Variants in RTN4 observed in about 807,000 individuals in gnomAD.
RTN4 encodes the protein reticulon-4.
RTN4 carries 32 observed loss-of-function variants against 90.4 expected under a neutral mutation model. That is an observed-to-expected ratio of 0.35 (90% confidence interval 0.27 to 0.48). RTN4 has a LOEUF of 0.48. Among genes scored for constraint, RTN4 ranks in the 20% least tolerant of loss-of-function variants. The pLI is 0.99. For synonymous variants in RTN4, 629 were observed against 552.5 expected (o/e 1.14, Z -1.94); for missense variants, 1,706 against 1,430.2 (o/e 1.19, Z -3.11).
intron 4 of RTN4, among the ~76,000 whole-genome samples, chr2:54,986,037 G>A (rs987927477): frequency 1.3e-5 from 2 of 152,074 alleles, no homozygotes; most frequent in African/African-American, 4.8e-5. Flanking sequence ...CAAAGAGCTG[G>A]GTCTTGAACC....
intron 3 of RTN4, among the ~76,000 whole-genome samples, chr2:55,010,736 T>G (rs975443565): frequency 1.3e-5 from 2 of 152,176 alleles, no homozygotes. Flanking sequence ...TATGAAGAGA[T>G]AAACAGAAAA....
At chr2:55,093,725 G>A (rs1668983134) in intron 1 of RTN4, among the ~76,000 whole-genome samples, 1 of 152,098 alleles carries the variant, frequency 6.6e-6, no homozygotes, top group Non-Finnish European at 1.5e-5. Flanking sequence ...AAGGGTAAAT[G>A]TCTCAATTGT....
At chr2:54,985,222 T>A in intron 4 of RTN4, among the ~76,000 whole-genome samples, 1 of 132,436 alleles carries the variant, frequency 7.6e-6, no homozygotes, top group East Asian at 2.4e-4. Context: ...TATAGTGGCA[T>A]GATCACAGCT....
At chr2:55,053,349 A>G (rs1039243300), upstream of RTN4, among the ~76,000 whole-genome samples, 1 of 152,264 alleles carries the variant, frequency 6.6e-6, no homozygotes, top group African/African-American at 2.4e-5. Flanking sequence ...CATTCTAGAT[A>G]CTAATAATAG....
chr2:55,015,866 T>C (rs924018193), intron 3 of RTN4, among the ~76,000 whole-genome samples: 2 of 152,168 alleles, frequency 1.3e-5, no homozygotes, highest in African/African-American at 4.8e-5. Flanking sequence ...ATATGAATTG[T>C]TGGTGAAAGT....
chr2:55,054,500 C>T (rs1008064951), upstream of RTN4, among the ~76,000 whole-genome samples: 61 of 152,144 alleles, frequency 4.0e-4, no homozygotes, highest in African/African-American at 1.2e-3. Flanking sequence ...ACCTTATTTG[C>T]AGAATGCTAA....
chr2:55,049,155 T>C (rs938422368), intron 1 of RTN4: 9 of 986,078 alleles, frequency 9.1e-6, no homozygotes, highest in South Asian at 4.6e-5. Flanking sequence ...TGGGTCAATG[T>C]GGACGTTTTC....
intron 1 of RTN4, among the ~76,000 whole-genome samples, chr2:55,102,579 C>T (rs1261658512): frequency 6.6e-6 from 1 of 151,788 alleles, no homozygotes; most frequent in Non-Finnish European, 1.5e-5. Context: ...GTTGGCAGAC[C>T]TCACAAGAAT....
intron 3 of RTN4, among the ~76,000 whole-genome samples, chr2:55,006,499 G>C (rs1384272671): frequency 2.0e-5 from 3 of 152,110 alleles, no homozygotes; most frequent in East Asian, 3.8e-4. Context: ...CATAAGTAAA[G>C]ATCAGAGAGC....
chr2:55,035,487 ATG>A (rs1369753661), intron 1 of RTN4, among the ~76,000 whole-genome samples: 1 of 152,206 alleles, frequency 6.6e-6, no homozygotes, highest in African/African-American at 2.4e-5. Flanking sequence ...TTAGAGAGAA[ATG>A]TATAGCTTTT....
At chr2:55,040,379 A>T (rs1682989934) in intron 1 of RTN4, among the ~76,000 whole-genome samples, 1 of 152,192 alleles carries the variant, frequency 6.6e-6, no homozygotes, top group South Asian at 2.1e-4. Flanking sequence ...GAAGAGAATA[A>T]ATAAAAGTAA....
chr2:55,026,639 G>C lies in RTN4; in HGVS notation c.1460C>G (p.Thr487Ser), dbSNP rs746197683. Residue 487 changes from threonine to serine, a missense_variant, in exon 3 of 9, where the codon ACT (threonine) becomes AGT (serine). Transcript: ENST00000337526. ...TTTTTCATCGGTCTTATTTTCTGAA[G>C]TAGGATCTCCTAACAAAGGAAAAAT... ...TNIFPLLGDP[T>S]SENKTDEKKI... 6.2e-7 allele frequency: 1 copy of C among 1,612,678 alleles called. No individual in the cohort carries two copies. The highest frequency in any genetic ancestry group is 1.3e-5 in the African/African-American group (1 of 74,794).
chr2:55,129,368 G>A, the RTN4 span, among the ~76,000 whole-genome samples: 1 of 152,002 alleles, frequency 6.6e-6, no homozygotes, highest in East Asian at 1.9e-4. Flanking sequence ...GAGCCCAGGA[G>A]TTCGTGACCA....
chr2:55,045,248 A>G (rs187909612), intron 1 of RTN4, among the ~76,000 whole-genome samples: 2 of 152,328 alleles, frequency 1.3e-5, no homozygotes, highest in Non-Finnish European at 2.9e-5. Context: ...CTGATTTAAT[A>G]AGCACTAATA....
At chr2:55,031,917 T>C (rs1682343676) in intron 1 of RTN4, among the ~76,000 whole-genome samples, 2 of 152,132 alleles carry the variant, frequency 1.3e-5, no homozygotes, top group African/African-American at 4.8e-5. Context: ...AGGATCAAAA[T>C]GATTTTCCAG....
At chr2:55,118,231 C>T in the RTN4 span, among the ~76,000 whole-genome samples, 48 of 152,070 alleles carry the variant, frequency 3.2e-4, no homozygotes, top group Non-Finnish European at 3.4e-4. Context: ...TTTGGGAGGT[C>T]AAGGTGAAGG....
intron 5 of RTN4, among the ~76,000 whole-genome samples, chr2:54,976,701 G>A (rs1336088758): frequency 3.3e-5 from 5 of 152,182 alleles, no homozygotes; most frequent in African/African-American, 4.8e-5. Flanking sequence ...AACTAACCTA[G>A]AGAGTAACCA....
intron 2 of RTN4, chr2:55,060,669 C>A (rs1299742654): frequency 6.6e-6 from 1 of 152,194 alleles, no homozygotes; most frequent in Admixed American, 6.5e-5. Context: ...AGCTATAATC[C>A]CAGCACGTTG....
the RTN4 span, among the ~76,000 whole-genome samples, chr2:55,124,375 G>T: frequency 6.6e-6 from 1 of 152,208 alleles, no homozygotes; most frequent in Non-Finnish European, 1.5e-5. Context: ...ATAGATAAAA[G>T]CCTTGCAGGC....
Sources: gnomAD v4.1 joint callset for allele counts (sites outside exome capture counted in the v4.1 genomes callset) on GRCh38, gnomAD v4.1.1 for gene constraint, MANE v1.5 for transcripts, NCBI Gene and HGNC (gene_info 2026-07-23, HGNC 2026-07-21) for gene names.